Variants in CREBRF observed in about 807,000 individuals in gnomAD.
CREBRF encodes CREB3 regulatory factor, also known as UPF0474 protein C5orf41.
Under a neutral mutation model 66.1 loss-of-function variants are expected in CREBRF, and 5 were observed. That is an observed-to-expected ratio of 0.08 (90% CI 0.04 to 0.16). CREBRF has a LOEUF of 0.16. Among genes scored for constraint, CREBRF ranks in the 10% least tolerant of loss-of-function variants. The pLI, the probability that CREBRF is intolerant of heterozygous loss-of-function variation, is 1.00. For missense variants in CREBRF, 531 were observed against 744.9 expected (o/e 0.71, Z 3.34); for synonymous variants, 229 against 264.4 (o/e 0.87, Z 1.30).
rs1759553032 is a variant in CREBRF at position 173,134,906 on chromosome 5, C to T, written c.*1161C>T. 1 of 152,314 alleles carries T rather than the reference C, an allele frequency of 6.6e-6. No homozygotes were observed. The highest frequency in any genetic ancestry group is 2.4e-5 in the African/African-American group (1 of 41,386). The allele number at this position is 152,314 out of a possible 1,614,324, so 9.4% of individuals were successfully genotyped here. ...CTTCCATAGTAGATAAGTTGGTGGCCATTTAGATGTCTTTTATTTCTGCAC... is the reference window on the plus strand; with the variant it reads ...CTTCCATAGTAGATAAGTTGGTGGCTATTTAGATGTCTTTTATTTCTGCAC... On this transcript the variant is annotated 3_prime_UTR_variant, in exon 9 of 9. Coordinates refer to ENST00000296953, the MANE Select transcript of CREBRF (RefSeq NM_153607.3).
At chr5:173,067,626 C>T (rs533757518) in intron 1 of CREBRF, among the ~76,000 whole-genome samples, 1 of 152,158 alleles carries the variant, frequency 6.6e-6, no homozygotes, top group African/African-American at 2.4e-5. Flanking sequence ...ACTAATGCAA[C>T]TGATTTGCAA....
chr5:173,059,072 A>G (rs1757177086), intron 1 of CREBRF, among the ~76,000 whole-genome samples: 1 of 151,816 alleles, frequency 6.6e-6, no homozygotes, highest in African/African-American at 2.4e-5. Context: ...TTCTGGGATT[A>G]CAGGTGTGAG....
At chr5:173,065,280 T>C (rs1241345063) in intron 1 of CREBRF, among the ~76,000 whole-genome samples, 1 of 152,110 alleles carries the variant, frequency 6.6e-6, no homozygotes, top group Non-Finnish European at 1.5e-5. Context: ...ATGTGTAGTG[T>C]GGGGTTGGGT....
intron 8 of CREBRF, among the ~76,000 whole-genome samples, chr5:173,124,859 T>A (rs1759228848): frequency 6.6e-6 from 1 of 151,800 alleles, no homozygotes; most frequent in African/African-American, 2.4e-5. Flanking sequence ...TCTTTAGTAT[T>A]CGTCTGTCTT....
rs1182706072 is a variant in CREBRF at position 173,080,658 on chromosome 5, C to G, written c.-118C>G. On this transcript the variant is annotated 5_prime_UTR_variant, in exon 2 of 9. Coordinates refer to ENST00000296953, the MANE Select transcript of CREBRF (RefSeq NM_153607.3). ...TGAATTGGAAGCACTCTGGGGAAACCTGCTGTTTATTGTGGAAATCATCTT... is the reference window on the plus strand; with the variant it reads ...TGAATTGGAAGCACTCTGGGGAAACGTGCTGTTTATTGTGGAAATCATCTT... 3 of 1,006,346 alleles carry G rather than the reference C, an allele frequency of 3.0e-6. No individual in the cohort carries two copies. The highest frequency in any genetic ancestry group is 2.3e-4 in the Middle Eastern group (1 of 4,330). 62.3% of individuals were successfully genotyped at this position (1,006,346 alleles called of 1,614,324 possible). A position where few individuals can be genotyped will look rare whatever the true frequency, so the allele number is the denominator to read the frequency against.
chr5:173,107,614 G>A (rs1390419292), intron 4 of CREBRF, among the ~76,000 whole-genome samples: 1 of 152,126 alleles, frequency 6.6e-6, no homozygotes, highest in African/African-American at 2.4e-5. Context: ...AAGAAGTGGT[G>A]TGACAGGTAG....
intron 2 of CREBRF, chr5:173,085,334 T>G (rs931346673): frequency 1.7e-6 from 2 of 1,207,276 alleles, no homozygotes; most frequent in African/African-American, 1.5e-5. Flanking sequence ...TGGAGAGATG[T>G]TCATAGCAGC....
chr5:173,108,493 C>A, intron 4 of CREBRF, 131 bp from the exon 5 acceptor site: 1 of 735,270 alleles, frequency 1.4e-6, no homozygotes, highest in Non-Finnish European at 2.2e-6. Context: ...GGTTTATTAT[C>A]TTTGACATGC....
chr5:173,112,013 A>G (rs1033515091), intron 6 of CREBRF, among the ~76,000 whole-genome samples: 3 of 152,152 alleles, frequency 2.0e-5, no homozygotes, highest in Non-Finnish European at 2.9e-5. Flanking sequence ...TGCATAAATG[A>G]TTATGTTGTG....
At chr5:173,057,332 C>CT (rs1757098351) in intron 1 of CREBRF, 1 of 152,236 alleles carries the variant, frequency 6.6e-6, no homozygotes, top group East Asian at 1.9e-4. Flanking sequence ...TGGTGGGTCA[C>CT]TGAGAGGGGA....
In CREBRF at chr5:173,133,698, C is replaced by T; in HGVS notation, c.1873C>T (p.Pro625Ser). The T allele has an allele frequency of 6.2e-7, 1 of 1,612,556 alleles. No individual in the cohort carries two copies. Among genetic ancestry groups the T allele is most frequent in the Non-Finnish European group, 8.5e-7 (1 of 1,179,068 alleles). The change falls in exon 9 of 9, where the codon CCC (proline) becomes TCC (serine). Residue 625 changes from proline (P) to serine (S), a missense_variant. Transcript: ENST00000296953. ...GTTAGAGAAGACTGCAGAAGGGAATCCCACTGGAGGCCTTGTAGGATTAAG... is the reference window on the plus strand; with the variant it reads ...GTTAGAGAAGACTGCAGAAGGGAATTCCACTGGAGGCCTTGTAGGATTAAG... ...QVLEKTAEGN[P>S]TGGLVGLRIP...
In CREBRF at chr5:173,090,939, C is replaced by G. The variant is rs562447822; in HGVS notation, c.760C>G (p.Gln254Glu). 1 of 1,614,148 alleles carries G rather than the reference C, an allele frequency of 6.2e-7. No homozygotes were observed. The highest frequency in any genetic ancestry group is 2.2e-5 in the East Asian group (1 of 44,886). ...PVQQSRPLLSQIHTDAAKENT... is the reference protein window; with the variant it reads ...PVQQSRPLLSEIHTDAAKENT... ...GCAACAGAGCCGGCCCTTGTTGAGC[C>G]AGATTCACACAGATGCAGCAAAGGA... Residue 254 changes from glutamine (Q) to glutamate (E), a missense_variant, in exon 4 of 9, where the codon CAG becomes GAG. Physicochemically the swap from Gln to Glu is conservative, Grantham distance 29. Transcript: ENST00000296953. The surrounding 1 kb of genome is among the most constrained non-coding windows in gnomAD (Gnocchi z 4.5).
chr5:173,072,844 G>C (rs1757636728), intron 1 of CREBRF, among the ~76,000 whole-genome samples: 1 of 152,108 alleles, frequency 6.6e-6, no homozygotes, highest in South Asian at 2.1e-4. Flanking sequence ...AAAGAGGGAA[G>C]GGCAAAGTCA....
chr5:173,084,936 C>T (rs549927005), intron 2 of CREBRF, among the ~76,000 whole-genome samples: 2 of 151,484 alleles, frequency 1.3e-5, no homozygotes, highest in Non-Finnish European at 2.9e-5. Flanking sequence ...TGAGCCACTG[C>T]GCCTGGCCTA....
intron 1 of CREBRF, among the ~76,000 whole-genome samples, chr5:173,077,951 T>G (rs1164498717): frequency 6.6e-6 from 1 of 152,250 alleles, no homozygotes; most frequent in Non-Finnish European, 1.5e-5. Context: ...CATATTTTGT[T>G]GATCCATTCA....
chr5:173,057,366 A>T (rs992133948), intron 1 of CREBRF: 1 of 150,970 alleles, frequency 6.6e-6, no homozygotes, highest in Non-Finnish European at 1.5e-5. Flanking sequence ...AGGGCGAGGG[A>T]GCCGGGCCGG....
intron 1 of CREBRF, among the ~76,000 whole-genome samples, chr5:173,076,718 T>G (rs552197268): frequency 2.8e-5 from 4 of 141,772 alleles, no homozygotes. Context: ...ATTGCACCAC[T>G]GCATTCCAGC....
intron 7 of CREBRF, among the ~76,000 whole-genome samples, chr5:173,120,836 G>A (rs1159747314): frequency 2.0e-5 from 3 of 151,670 alleles, no homozygotes; most frequent in Non-Finnish European, 4.4e-5. Context: ...TGGGATTACA[G>A]GCACCTGCCA....
intron 2 of CREBRF, among the ~76,000 whole-genome samples, chr5:173,083,419 A>G (rs1161200122): frequency 6.6e-6 from 1 of 152,178 alleles, no homozygotes; most frequent in Non-Finnish European, 1.5e-5. Flanking sequence ...CTGGGTCCCA[A>G]GTCTTTTTTT....
Sources: gnomAD v4.1 joint callset for allele counts (sites outside exome capture counted in the v4.1 genomes callset) on GRCh38, gnomAD v4.1.1 for gene constraint, Gnocchi (gnomAD v3.1) non-coding constraint, MANE v1.5 for transcripts, NCBI Gene and HGNC (gene_info 2026-07-23, HGNC 2026-07-21) for gene names.